Variants in WDR25 observed in about 807,000 individuals in gnomAD.
WDR25 encodes WD repeat domain 25.
Under a neutral mutation model 47.7 loss-of-function variants are expected in WDR25, and 35 were observed. The ratio of observed to expected loss-of-function variants is 0.73; its 90% CI spans 0.56 to 0.97. WDR25 has a LOEUF of 0.97. Ranked by LOEUF, WDR25 falls within the 50% of genes least tolerant of loss-of-function variation. The pLI, the probability that WDR25 is intolerant of heterozygous loss-of-function variation, is 0.00. For synonymous variants in WDR25, 248 were observed against 278.9 expected (o/e 0.89, Z 1.10); for missense variants, 634 against 704.7 (o/e 0.90, Z 1.14).
At chr14:100,515,719 C>T (rs1026026288) in intron 4 of WDR25, among the ~76,000 whole-genome samples, 2 of 151,756 alleles carry the variant, frequency 1.3e-5, no homozygotes, top group African/African-American at 4.8e-5. Flanking sequence ...ACCTCTGCCT[C>T]CTGGGTTCAA....
chr14:100,507,177 C>T (rs1901139615), intron 4 of WDR25, among the ~76,000 whole-genome samples: 1 of 152,150 alleles, frequency 6.6e-6, no homozygotes, highest in African/African-American at 2.4e-5. Flanking sequence ...TTCCCCATTG[C>T]TTATTTTGGT....
rs535460153 is a variant in WDR25 at position 100,405,179 on chromosome 14, G to A, written c.822+23433G>A. Among the ~76,000 whole-genome samples the A allele has an allele frequency of 1.6e-3, 182 of 112,902 alleles. 7 individuals carry two copies. In the South Asian group the frequency reaches 0.044, roughly 28 times the overall value. 74.1% of individuals were successfully genotyped at this position (112,902 alleles called of 152,430 possible). A position where few individuals can be genotyped will look rare whatever the true frequency, so the allele number is the denominator to read the frequency against. On this transcript the variant is annotated intron_variant, in intron 2 of 6. Coordinates refer to ENST00000402312, the MANE Select transcript of WDR25 (RefSeq NM_001161476.3). ...TCTCTCTGCCCCATCTTTTTTTTTT[G>A]AGATGGAGTTTTGCTCTTGTTACCC...
At chr14:100,390,732 G>C (rs1340236866) in intron 2 of WDR25, among the ~76,000 whole-genome samples, 2 of 152,152 alleles carry the variant, frequency 1.3e-5, no homozygotes, top group Admixed American at 1.3e-4. Flanking sequence ...TTTCCCACCA[G>C]TGTGCAGATC....
chr14:100,516,622 C>T (rs936855886), intron 4 of WDR25, among the ~76,000 whole-genome samples: 2 of 152,154 alleles, frequency 1.3e-5, no homozygotes, highest in African/African-American at 4.8e-5. Flanking sequence ...TTGTATTCCT[C>T]TTATTCCTGG....
chr14:100,448,188 C>T (rs1898900182), intron 2 of WDR25, among the ~76,000 whole-genome samples: 4 of 101,094 alleles, frequency 4.0e-5, no homozygotes, highest in East Asian at 2.9e-4. Flanking sequence ...AGCAAAACTC[C>T]GTCTCAAAAA....
intron 4 of WDR25, among the ~76,000 whole-genome samples, chr14:100,507,035 T>G (rs1901133765): frequency 6.6e-6 from 1 of 152,228 alleles, no homozygotes; most frequent in Non-Finnish European, 1.5e-5. Flanking sequence ...TTTTATAGGA[T>G]TCTTAAAGTT....
At chr14:100,383,292 T>C (rs1896947040) in intron 2 of WDR25, among the ~76,000 whole-genome samples, 1 of 152,232 alleles carries the variant, frequency 6.6e-6, no homozygotes, top group South Asian at 2.1e-4. Flanking sequence ...CTGTGAAGTG[T>C]GCGCGGAGGC....
chr14:100,417,107 C>G (rs897737122), intron 2 of WDR25, among the ~76,000 whole-genome samples: 9 of 152,226 alleles, frequency 5.9e-5, no homozygotes, highest in Non-Finnish European at 8.8e-5. Context: ...GGCCAGGGGC[C>G]AAGCTTTGGT....
At chr14:100,414,981 AG>A (rs1897830313) in intron 2 of WDR25, among the ~76,000 whole-genome samples, 1 of 151,558 alleles carries the variant, frequency 6.6e-6, no homozygotes, top group Admixed American at 6.6e-5. Flanking sequence ...GGGTGAGAGC[AG>A]GGGGAGCAGC....
chr14:100,486,742 C>G (rs1313834613), intron 4 of WDR25, among the ~76,000 whole-genome samples: 1 of 152,172 alleles, frequency 6.6e-6, no homozygotes, highest in Admixed American at 6.5e-5. Flanking sequence ...AAGTGAGCAG[C>G]TTGGCTTTTT....
intron 2 of WDR25, among the ~76,000 whole-genome samples, chr14:100,386,483 C>T (rs11624049): frequency 0.68 from 102,788 of 152,164 alleles, 35,445 homozygotes; most frequent in South Asian, 0.85. Context: ...ATACTTTGCT[C>T]CATCATTTCC....
rs551267469 is a variant in WDR25, at chr14:100,468,836, C to T, written c.970+668C>T. ...GCCAGGGAGTGACAGAGCTGGGATT[C>T]GCACCTCTGCCATCTGCCTCCCAGT... On this transcript the variant is annotated intron_variant, in intron 3 of 6. Coordinates refer to ENST00000402312, the MANE Select transcript of WDR25 (RefSeq NM_001161476.3). The surrounding 1 kb of genome is among the most constrained non-coding windows in gnomAD (Gnocchi z 4.5). 3.3e-5 allele frequency among the ~76,000 whole-genome samples: 5 copies of T among 152,212 alleles called. No individual in the cohort carries two copies. Among genetic ancestry groups the T allele is most frequent in the Admixed American group, 6.5e-5 (1 of 15,298 alleles).
intron 2 of WDR25, among the ~76,000 whole-genome samples, chr14:100,386,353 T>A (rs1033146480): frequency 6.6e-6 from 1 of 152,340 alleles, no homozygotes; most frequent in Non-Finnish European, 1.5e-5. Flanking sequence ...GCTTATTGCA[T>A]AGTATGTGCA....
At chr14:100,376,562 G>A (rs2273802) in intron 1 of WDR25, 67 bp downstream of exon 1, 326,762 of 1,231,630 alleles carry the variant, frequency 0.27, 47,085 homozygotes, top group East Asian at 0.57. Flanking sequence ...AAAGCGCCCC[G>A]TGCCGCTTAA....
At chr14:100,484,315 AT>A (rs1180221844) in intron 4 of WDR25, among the ~76,000 whole-genome samples, 191 bp downstream of exon 4, 1 of 152,258 alleles carries the variant, frequency 6.6e-6, no homozygotes, top group East Asian at 1.9e-4. Flanking sequence ...GACTTAAAAT[AT>A]CAAAGGTGCA....
chr14:100,427,232 T>G (rs750366923), intron 2 of WDR25, among the ~76,000 whole-genome samples: 4 of 152,096 alleles, frequency 2.6e-5, no homozygotes, highest in Non-Finnish European at 5.9e-5. Context: ...AGCTTCATCC[T>G]TCCTGACTTT....
At chr14:100,477,608 C>CT (rs1824374049) in intron 3 of WDR25, among the ~76,000 whole-genome samples, 1 of 152,172 alleles carries the variant, frequency 6.6e-6, no homozygotes. Flanking sequence ...AAGAGCCCGT[C>CT]TGACAAGTTA....
At chr14:100,514,035 A>C (rs1189575913) in intron 4 of WDR25, among the ~76,000 whole-genome samples, 2 of 150,904 alleles carry the variant, frequency 1.3e-5, no homozygotes, top group African/African-American at 4.9e-5. Flanking sequence ...TCCCGGGTTC[A>C]CGCCATTCTC....
chr14:100,388,933 G>A (rs1389106633), intron 2 of WDR25, among the ~76,000 whole-genome samples: 1 of 152,190 alleles, frequency 6.6e-6, no homozygotes, highest in Non-Finnish European at 1.5e-5. Context: ...ATGTCATTAA[G>A]GGAAGGATAG....
Sources: gnomAD v4.1 joint callset for allele counts (sites outside exome capture counted in the v4.1 genomes callset) on GRCh38, gnomAD v4.1.1 for gene constraint, Gnocchi (gnomAD v3.1) non-coding constraint, MANE v1.5 for transcripts, NCBI Gene and HGNC (gene_info 2026-07-23, HGNC 2026-07-21) for gene names.